EPYC: variants seen among roughly 807,000 people sequenced by gnomAD.
EPYC encodes epiphycan.
Under a neutral mutation model 30.1 loss-of-function variants are expected in EPYC, and 28 were observed. The observed-to-expected ratio is 0.93, with a 90% CI of 0.69 to 1.28. EPYC has a LOEUF of 1.28. Ranked by LOEUF, EPYC falls within the 50% of genes most tolerant of loss-of-function variation. The pLI is 0.00. For missense variants in EPYC, 382 were observed against 383.5 expected (o/e 1.00, Z 0.03); for synonymous variants, 144 against 141.4 (o/e 1.02, Z -0.13).
At chr12:90,988,192 CA>C (rs2120847281) in intron 2 of EPYC, among the ~76,000 whole-genome samples, 1 of 152,166 alleles carries the variant, frequency 6.6e-6, no homozygotes, top group African/African-American at 2.4e-5. Flanking sequence ...GTCCCCTTGC[CA>C]AGCAATTGAA....
At chr12:90,988,637 G>T (rs187267409) in intron 2 of EPYC, among the ~76,000 whole-genome samples, 1 of 152,206 alleles carries the variant, frequency 6.6e-6, no homozygotes, top group Admixed American at 6.5e-5. Flanking sequence ...TTATACAACT[G>T]GGAAATGGAT....
rs962487440 is a variant in EPYC at position 90,972,067 on chromosome 12, T to C, written c.500-65A>G. 5 of 1,006,318 alleles carry C rather than the reference T, an allele frequency of 5.0e-6. No homozygotes were observed. The Admixed American group carries it at 1.6e-4, about 32-fold the overall frequency. The allele number at this position is 1,006,318 out of a possible 1,614,324, so 62.3% of individuals were successfully genotyped here. On this transcript the variant is annotated intron_variant, in intron 4 of 6. Transcript: ENST00000261172. ...TTTTGCTCACATAAAAATATAAATG[T>C]AATTTTCCTTTATTTTGCAAATATA... is the stretch of plus-strand genomic sequence containing the variant.
At chr12:91,003,545 T>C (rs1565877758) in intron 1 of EPYC, among the ~76,000 whole-genome samples, 1 of 152,100 alleles carries the variant, frequency 6.6e-6, no homozygotes, top group Non-Finnish European at 1.5e-5. Flanking sequence ...ATTATTTTTT[T>C]AGTTCTGTAT....
intron 2 of EPYC, among the ~76,000 whole-genome samples, chr12:90,998,710 G>T (rs571610276): frequency 1.3e-5 from 2 of 152,204 alleles, no homozygotes; most frequent in South Asian, 4.1e-4. Flanking sequence ...GTTCTATCTT[G>T]TTTTAATTTT....
At chr12:90,969,484 A>G (rs914224749) in intron 6 of EPYC, among the ~76,000 whole-genome samples, 7 of 151,384 alleles carry the variant, frequency 4.6e-5, no homozygotes, top group Admixed American at 2.0e-4. Context: ...ATGTAGCTTA[A>G]TGGGCTTTAA....
chr12:90,971,497 A>G (rs1371546562), intron 5 of EPYC, among the ~76,000 whole-genome samples: 2 of 151,868 alleles, frequency 1.3e-5, no homozygotes, highest in Non-Finnish European at 2.9e-5. Flanking sequence ...TGGCGAAACC[A>G]TGTCTCTACA....
intron 2 of EPYC, among the ~76,000 whole-genome samples, chr12:90,988,585 T>G (rs896239440): frequency 6.6e-6 from 1 of 152,162 alleles, no homozygotes; most frequent in Non-Finnish European, 1.5e-5. Context: ...CCAAGTATAT[T>G]TCTGCTTAAA....
intron 2 of EPYC, among the ~76,000 whole-genome samples, chr12:90,992,076 A>G (rs1232297451): frequency 6.6e-6 from 1 of 152,174 alleles, no homozygotes; most frequent in Non-Finnish European, 1.5e-5. Flanking sequence ...TGTGGAAGAC[A>G]GTTTATCCAC....
chr12:90,976,870 A>T (rs1877196515), intron 3 of EPYC, among the ~76,000 whole-genome samples: 2 of 152,116 alleles, frequency 1.3e-5, no homozygotes, highest in East Asian at 1.9e-4. Flanking sequence ...TTCCCCTTTC[A>T]CTTGGCTCTC....
intron 2 of EPYC, among the ~76,000 whole-genome samples, chr12:90,978,751 T>C (rs1009820882): frequency 6.6e-6 from 1 of 152,116 alleles, no homozygotes; most frequent in Admixed American, 6.6e-5. Context: ...ATCCTTGATT[T>C]CCTAGGTTCA....
rs1392885363 is a variant in EPYC at position 90,964,150 on chromosome 12, C to G, written c.*6G>C. Reference sequence around the variant, plus strand: ...TAGCCATCGTAATGCTAACCATTATCTGAAATTAGACAAGGCTCCCAACAG... The same window carrying G: ...TAGCCATCGTAATGCTAACCATTATGTGAAATTAGACAAGGCTCCCAACAG... On this transcript the variant is annotated 3_prime_UTR_variant, in exon 7 of 7. Transcript: ENST00000261172. 6.2e-7 allele frequency: 1 copy of G among 1,607,410 alleles called. No individual in the cohort carries two copies. The highest frequency in any genetic ancestry group is 1.3e-5 in the African/African-American group (1 of 74,816).
intron 6 of EPYC, 41 bp from the exon 7 acceptor site, chr12:90,964,367 T>G (rs755094194): frequency 5.8e-5 from 84 of 1,457,288 alleles, no homozygotes; most frequent in Non-Finnish European, 6.0e-5. Context: ...ATATAACACA[T>G]TCTTAGTATT....
intron 2 of EPYC, among the ~76,000 whole-genome samples, chr12:90,982,508 A>G (rs1202060704): frequency 2.0e-5 from 3 of 151,746 alleles, no homozygotes; most frequent in Non-Finnish European, 4.4e-5. Context: ...TCACTTACCA[A>G]CTTTTTGTGG....
chr12:90,975,292 A>C (rs1031899591), intron 3 of EPYC, among the ~76,000 whole-genome samples: 1 of 152,080 alleles, frequency 6.6e-6, no homozygotes, highest in Non-Finnish European at 1.5e-5. Context: ...ATGATTGCTT[A>C]GGGTAATTTA....
intron 6 of EPYC, among the ~76,000 whole-genome samples, chr12:90,968,748 C>T (rs1349159905): frequency 6.6e-6 from 1 of 151,916 alleles, no homozygotes; most frequent in African/African-American, 2.4e-5. Context: ...AATATCACCC[C>T]AGATAATAGT....
chr12:90,985,776 T>C lies in EPYC; in HGVS notation c.166-7514A>G, dbSNP rs192243670. 3.2e-3 allele frequency among the ~76,000 whole-genome samples: 491 copies of C among 152,152 alleles called. 2 individuals are homozygous for C. Among genetic ancestry groups the C allele is most frequent in the African/African-American group, 0.011 (468 of 41,522 alleles). ...TCTGGGCCAGAAGTCCCTAACTAGA[T>C]GATCCAATGACAGGACTGAGGGTGT... On this transcript the variant is annotated intron_variant, in intron 2 of 6. Transcript: ENST00000261172.
At chr12:91,001,728 A>T (rs1402539511) in intron 2 of EPYC, among the ~76,000 whole-genome samples, 1 of 152,028 alleles carries the variant, frequency 6.6e-6, no homozygotes, top group Non-Finnish European at 1.5e-5. Context: ...TCAATCTCAC[A>T]TCTTTCTCCT....
At chr12:90,970,271 T>C (rs1219012007) in intron 5 of EPYC, 132 bp from the exon 6 acceptor site, 2 of 667,662 alleles carry the variant, frequency 3.0e-6, no homozygotes, top group Non-Finnish European at 5.0e-6. Flanking sequence ...AGTTCAGGTC[T>C]TGTTTTGTAA....
chr12:90,972,041 G>T lies in EPYC; in HGVS notation c.500-39C>A, dbSNP rs747434852. The stretch of plus-strand genomic sequence containing the variant: ...ATAAAGGAAGTAATTAAATATTCTT[G>T]TTTTGCTCACATAAAAATATAAATG... On this transcript the variant is annotated intron_variant, in intron 4 of 6. Coordinates refer to ENST00000261172, the MANE Select transcript of EPYC (RefSeq NM_004950.5). The T allele has an allele frequency of 2.4e-6, 3 of 1,225,054 alleles. No homozygotes were observed. The South Asian group carries it at 4.6e-5, about 19-fold the overall frequency. 75.9% of individuals were successfully genotyped at this position (1,225,054 alleles called of 1,614,324 possible).
Sources: gnomAD v4.1 joint callset for allele counts (sites outside exome capture counted in the v4.1 genomes callset) on GRCh38, gnomAD v4.1.1 for gene constraint, MANE v1.5 for transcripts, NCBI Gene and HGNC (gene_info 2026-07-23, HGNC 2026-07-21) for gene names.